RRP15: variants seen among roughly 807,000 people sequenced by gnomAD.
RRP15 encodes RRP15-like protein.
Under a neutral mutation model 27.1 loss-of-function variants are expected in RRP15, and 18 were observed. The ratio of observed to expected loss-of-function variants is 0.66; its 90% CI spans 0.46 to 0.98. RRP15 has a LOEUF of 0.98. Ranked by LOEUF, RRP15 falls within the 50% of genes least tolerant of loss-of-function variation. The probability of loss-of-function intolerance (pLI) is 0.00; values close to 1 mark genes in which losing one functional copy is unlikely to be tolerated. For missense variants in RRP15, 359 were observed against 337.8 expected, an observed-to-expected ratio of 1.06 and a Z score of -0.49; for synonymous variants, 107 against 109.4, an observed-to-expected ratio of 0.98 and a Z score of 0.14.
At position 218,302,563 on chromosome 1, in the gene RRP15, T is replaced by C; in HGVS notation, c.405+4T>C. The C allele has an allele frequency of 1.2e-6, 2 of 1,610,206 alleles. No homozygotes were observed. Among genetic ancestry groups the C allele is most frequent in the Non-Finnish European group, 1.7e-6 (2 of 1,178,810 alleles). ...AAGACTAGAGAAAATAAAACAGGTA[T>C]GTTCCACCAGTTCTCTTGTAGATTA... is the stretch of plus-strand genomic sequence containing the variant. On this transcript the variant is annotated splice_donor_region_variant and intron_variant, in intron 2 of 4. Transcript: ENST00000366932.
chr1:218,291,154 T>C (rs1331179038), intron 1 of RRP15, among the ~76,000 whole-genome samples: 1 of 150,380 alleles, frequency 6.6e-6, no homozygotes, highest in African/African-American at 2.4e-5. Context: ...ATAAAAAATT[T>C]AGACTGGACA....
intron 1 of RRP15, among the ~76,000 whole-genome samples, chr1:218,292,154 A>G (rs1655655623): frequency 6.6e-6 from 1 of 152,206 alleles, no homozygotes; most frequent in Non-Finnish European, 1.5e-5. Context: ...TTCAAACAAC[A>G]AACTTTAATG....
rs1656420583 is a variant in RRP15 at position 218,334,494 on chromosome 1, C to T, written c.*3403C>T. 1 of 152,172 alleles carries T rather than the reference C, an allele frequency of 6.6e-6. No individual in the cohort carries two copies. Among genetic ancestry groups the T allele is most frequent in the Admixed American group, 6.5e-5 (1 of 15,288 alleles). The allele number at this position is 152,172 out of a possible 1,614,324, so 9.4% of individuals were successfully genotyped here. A position where few individuals can be genotyped will look rare whatever the true frequency, so the allele number is the denominator to read the frequency against. On this transcript the variant is annotated 3_prime_UTR_variant, in exon 5 of 5. Coordinates refer to ENST00000366932, the MANE Select transcript of RRP15 (RefSeq NM_016052.4). The stretch of plus-strand genomic sequence containing the variant: ...TTCTATGTCTCCATTAATGTGCTAA[C>T]TTGAAGGAATTTAACTTCAAGGAAA...
intron 1 of RRP15, among the ~76,000 whole-genome samples, chr1:218,297,953 A>G (rs1302943213): frequency 1.3e-5 from 2 of 152,088 alleles, no homozygotes; most frequent in Admixed American, 6.6e-5. Context: ...TTTATGCCCA[A>G]TTTTTACCAT....
rs1656285508 is a variant in RRP15 at position 218,327,029 on chromosome 1, A to C, written c.706-3919A>C. 2.6e-5 allele frequency among the ~76,000 whole-genome samples: 4 copies of C among 152,182 alleles called. No individual in the cohort carries two copies. In the South Asian group the frequency reaches 6.2e-4, roughly 24 times the overall value. ...TTGGTTTTGTCAGTGTGATAGTTGC[A>C]GTCTTAGGATTTAACTTTCCTGGTG... On this transcript the variant is annotated intron_variant, in intron 4 of 4. Transcript: ENST00000366932.
At chr1:218,312,128 A>G (rs954543923) in intron 4 of RRP15, among the ~76,000 whole-genome samples, 2 of 152,220 alleles carry the variant, frequency 1.3e-5, no homozygotes, top group Non-Finnish European at 2.9e-5. Context: ...GGGCCTCCAC[A>G]ACTGTGAGAG....
In RRP15 at chr1:218,337,621, G is replaced by A. The variant is rs1656469565; in HGVS notation, c.*6530G>A. 1 of 152,140 alleles carries A rather than the reference G, an allele frequency of 6.6e-6. No individual in the cohort carries two copies. The highest frequency in any genetic ancestry group is 6.5e-5 in the Admixed American group (1 of 15,282). 9.4% of individuals were successfully genotyped at this position (152,140 alleles called of 1,614,324 possible). On this transcript the variant is annotated 3_prime_UTR_variant, in exon 5 of 5. Transcript: ENST00000366932. ...TTCTTAAATGCCAACAATGCATGAGGTGAATAGAATAAGACTTTTTTTTAA... is the reference window on the plus strand; with the variant it reads ...TTCTTAAATGCCAACAATGCATGAGATGAATAGAATAAGACTTTTTTTTAA...
chr1:218,309,460 G>A (rs539812086), intron 4 of RRP15, among the ~76,000 whole-genome samples: 28 of 152,034 alleles, frequency 1.8e-4, no homozygotes, highest in Admixed American at 5.9e-4. Flanking sequence ...CAAGGTGGGC[G>A]GATCACGAGG....
intron 4 of RRP15, among the ~76,000 whole-genome samples, chr1:218,324,332 C>T (rs898256329): frequency 6.6e-6 from 1 of 152,234 alleles, no homozygotes; most frequent in African/African-American, 2.4e-5. Flanking sequence ...CCTGCACCTT[C>T]GGCCGGGTAC....
intron 4 of RRP15, 23 bp downstream of exon 4, chr1:218,307,655 C>CA (rs767891245): frequency 6.6e-7 from 1 of 1,510,780 alleles, no homozygotes; most frequent in South Asian, 1.1e-5. Flanking sequence ...CTATAGGATT[C>CA]AGTGTATCAG....
intron 1 of RRP15, among the ~76,000 whole-genome samples, chr1:218,300,507 T>G (rs1204120720): frequency 1.3e-5 from 2 of 152,196 alleles, no homozygotes; most frequent in Non-Finnish European, 2.9e-5. Context: ...AGTATTGTAA[T>G]CACTTGCTAA....
intron 4 of RRP15, among the ~76,000 whole-genome samples, chr1:218,326,295 A>T (rs2102515693): frequency 6.6e-6 from 1 of 152,358 alleles, no homozygotes; most frequent in South Asian, 2.1e-4. Flanking sequence ...AACAAGAGTG[A>T]AACTTCATCT....
rs142179382 is a variant in RRP15, at chr1:218,314,210, C to T, written c.705+6578C>T. Among the ~76,000 whole-genome samples, 83 of 151,958 alleles carry T rather than the reference C, an allele frequency of 5.5e-4. 1 individual carries two copies. The East Asian group carries it at 7.0e-3, about 13-fold the overall frequency. Reference sequence around the variant, plus strand: ...GTATTTAGAACACTGTTTAAGGAAGCAACAAAAACATATTTTTTAAGTAAA... The same window carrying T: ...GTATTTAGAACACTGTTTAAGGAAGTAACAAAAACATATTTTTTAAGTAAA... On this transcript the variant is annotated intron_variant, in intron 4 of 4. Transcript: ENST00000366932.
intron 4 of RRP15, among the ~76,000 whole-genome samples, chr1:218,319,977 G>A (rs910835146): frequency 5.3e-5 from 8 of 149,920 alleles, no homozygotes; most frequent in East Asian, 1.9e-4. Flanking sequence ...CTGTCAAAAG[G>A]CTCCCTGAAG....
intron 4 of RRP15, among the ~76,000 whole-genome samples, chr1:218,307,997 A>AT (rs1157480865): frequency 2.0e-5 from 3 of 150,268 alleles, no homozygotes; most frequent in Non-Finnish European, 4.4e-5. Flanking sequence ...AAGAGCATAA[A>AT]TACTTTCTAT....
chr1:218,312,600 A>G (rs1459210413), intron 4 of RRP15, among the ~76,000 whole-genome samples: 1 of 152,168 alleles, frequency 6.6e-6, no homozygotes, highest in Non-Finnish European at 1.5e-5. Flanking sequence ...TATTTCATTT[A>G]GAAACAAGAA....
chr1:218,294,501 T>C (rs1655690607), intron 1 of RRP15, among the ~76,000 whole-genome samples: 2 of 152,156 alleles, frequency 1.3e-5, no homozygotes. Context: ...TATGGGTTTA[T>C]TATAAAGCAT....
At chr1:218,317,519 T>G (rs1656108636) in intron 4 of RRP15, among the ~76,000 whole-genome samples, 1 of 152,206 alleles carries the variant, frequency 6.6e-6, no homozygotes, top group Non-Finnish European at 1.5e-5. Context: ...AAAACTGTTA[T>G]GTAAGATAAA....
chr1:218,302,373 C>G lies in RRP15; in HGVS notation c.219C>G (p.Pro73=). 6.2e-7 allele frequency: 1 copy of G among 1,613,982 alleles called. No individual in the cohort carries two copies. Among genetic ancestry groups the G allele is most frequent in the Non-Finnish European group, 8.5e-7 (1 of 1,179,986 alleles). Residue 73 remains proline, a synonymous_variant, in exon 2 of 5, where the codon CCC becomes CCG. Coordinates refer to ENST00000366932, the MANE Select transcript of RRP15 (RefSeq NM_016052.4). ...CTGACAGTGAGGGTGATGCTGAGCC[C>G]TGTGACAAAGAAAATGAAAATGATG... ...IEADSEGDAE[P]CDKENENDGE... is the part of the protein sequence containing the mutation.
Sources: gnomAD v4.1 joint callset for allele counts (sites outside exome capture counted in the v4.1 genomes callset) on GRCh38, gnomAD v4.1.1 for gene constraint, MANE v1.5 for transcripts, NCBI Gene and HGNC (gene_info 2026-07-23, HGNC 2026-07-21) for gene names.